The following EYS variants were observed in gnomAD, a reference collection of about 807,000 sequenced individuals.
EYS encodes the protein EGF-like photoreceptor maintenance factor, also known as protein eyes shut homolog.
A neutral mutation model predicts 282.1 loss-of-function variants in EYS; 250 were observed. That is an observed-to-expected ratio of 0.89 (90% CI 0.80 to 0.98). The LOEUF is 0.98. Ranked by LOEUF, EYS falls within the 50% of genes least tolerant of loss-of-function variation. The pLI is 0.00. For missense variants in EYS, 4,016 were observed against 3,709.0 expected (o/e 1.08, Z -2.15); for synonymous variants, 1,355 against 1,282.9 (o/e 1.06, Z -1.20).
intron 31 of EYS, among the ~76,000 whole-genome samples, chr6:64,130,248 C>T (rs1052239776): frequency 4.3e-4 from 65 of 152,224 alleles, no homozygotes; most frequent in African/African-American, 1.5e-3. Context: ...CAACAACGAT[C>T]GACTGGATTA....
intron 35 of EYS, among the ~76,000 whole-genome samples, chr6:63,942,094 A>G (rs1183372094): frequency 6.6e-6 from 1 of 152,210 alleles, no homozygotes; most frequent in African/African-American, 2.4e-5. Flanking sequence ...TTCAGCCTCT[A>G]GATCAGGGGG....
intron 22 of EYS, among the ~76,000 whole-genome samples, chr6:64,679,640 C>T (rs950994069): frequency 3.3e-5 from 5 of 152,166 alleles, no homozygotes; most frequent in African/African-American, 1.2e-4. Context: ...TAAGTCTCCA[C>T]ACCCAACTGC....
chr6:64,616,982 T>A (rs10498826), intron 24 of EYS, among the ~76,000 whole-genome samples: 16,329 of 152,074 alleles, frequency 0.11, 1,056 homozygotes, highest in East Asian at 0.16. Flanking sequence ...TCAGGCCAGT[T>A]CAAACTTGCT....
intron 12 of EYS, among the ~76,000 whole-genome samples, chr6:65,282,489 A>T (rs1300636058): frequency 6.6e-6 from 1 of 152,022 alleles, no homozygotes; most frequent in Non-Finnish European, 1.5e-5. Flanking sequence ...AAGTAAAACA[A>T]AAATAAGTTG....
intron 12 of EYS, among the ~76,000 whole-genome samples, chr6:65,201,813 TTG>T (rs145110491): frequency 4.7e-5 from 7 of 150,528 alleles, no homozygotes; most frequent in East Asian, 1.9e-4. Flanking sequence ...AAAAATGATT[TTG>T]TGTGTGTGTG....
chr6:64,452,940 T>C (rs975440491), intron 26 of EYS, among the ~76,000 whole-genome samples: 3 of 152,176 alleles, frequency 2.0e-5, no homozygotes, highest in African/African-American at 7.2e-5. Flanking sequence ...ATTCAGGACA[T>C]AGGCATGGGC....
chr6:64,769,253 A>G (rs2149984667), intron 22 of EYS, among the ~76,000 whole-genome samples: 1 of 152,148 alleles, frequency 6.6e-6, no homozygotes, highest in Admixed American at 6.6e-5. Context: ...TTCTTATGTA[A>G]ATGAGTATTT....
At chr6:64,018,280 T>C (rs1184561982) in intron 33 of EYS, among the ~76,000 whole-genome samples, 1 of 152,228 alleles carries the variant, frequency 6.6e-6, no homozygotes, top group African/African-American at 2.4e-5. Context: ...GAAATAGTTG[T>C]GACCTAGATA....
At chr6:63,806,155 G>C (rs1190828228) in intron 37 of EYS, 35 bp downstream of exon 37, 4 of 1,508,230 alleles carry the variant, frequency 2.7e-6, no homozygotes, top group African/African-American at 1.4e-5. Context: ...TCTTAAAGGA[G>C]CGAGGCAAGT....
At chr6:64,019,209 T>TG (rs569253300) in intron 33 of EYS, among the ~76,000 whole-genome samples, 1,566 of 152,268 alleles carry the variant, frequency 0.01, 11 homozygotes, top group Non-Finnish European at 0.016. Context: ...TGCCCTCAGT[T>TG]GGCAGACGCT....
intron 19 of EYS, among the ~76,000 whole-genome samples, chr6:64,885,960 G>T (rs1767072059): frequency 6.6e-6 from 1 of 151,674 alleles, no homozygotes; most frequent in Non-Finnish European, 1.5e-5. Context: ...TATGATTTTA[G>T]TGCTGCACAA....
intron 11 of EYS, among the ~76,000 whole-genome samples, chr6:65,333,318 A>C (rs967642169): frequency 6.6e-6 from 1 of 151,680 alleles, no homozygotes; most frequent in Non-Finnish European, 1.5e-5. Flanking sequence ...TGTATTATTT[A>C]ACTTCCATGT....
chr6:64,407,377 C>T (rs1364176602), intron 28 of EYS, among the ~76,000 whole-genome samples: 1 of 148,476 alleles, frequency 6.7e-6, no homozygotes, highest in Non-Finnish European at 1.5e-5. Flanking sequence ...CAACAAAGCA[C>T]CATGGCACAT....
At chr6:64,130,619 A>G (rs1773943310) in intron 31 of EYS, among the ~76,000 whole-genome samples, 1 of 149,780 alleles carries the variant, frequency 6.7e-6, no homozygotes, top group Non-Finnish European at 1.5e-5. Context: ...TAAAACTTAA[A>G]GTATAATTAA....
chr6:64,443,837 T>C (rs1426786933), intron 26 of EYS, among the ~76,000 whole-genome samples: 1 of 152,164 alleles, frequency 6.6e-6, no homozygotes, highest in African/African-American at 2.4e-5. Context: ...ATAAAACTCT[T>C]TCTTTTGTAA....
At chr6:64,669,570 T>A (rs143190664) in intron 22 of EYS, among the ~76,000 whole-genome samples, 1 of 152,342 alleles carries the variant, frequency 6.6e-6, no homozygotes, top group Non-Finnish European at 1.5e-5. Context: ...GTAATGTTCC[T>A]TAAGACACAA....
intron 31 of EYS, among the ~76,000 whole-genome samples, chr6:64,147,886 CT>C: frequency 6.6e-6 from 1 of 152,272 alleles, no homozygotes; most frequent in African/African-American, 2.4e-5. Flanking sequence ...CCACGGTGGA[CT>C]TTGCATGTAT....
intron 35 of EYS, among the ~76,000 whole-genome samples, chr6:63,931,898 T>C (rs978163391): frequency 1.3e-5 from 2 of 152,220 alleles, no homozygotes; most frequent in Non-Finnish European, 2.9e-5. Flanking sequence ...TAATTTTGTA[T>C]TGTTACCCAG....
chr6:63,733,452 C>G (rs1242599157), intron 41 of EYS, among the ~76,000 whole-genome samples: 1 of 151,932 alleles, frequency 6.6e-6, no homozygotes, highest in African/African-American at 2.4e-5. Context: ...CCTACCCCCT[C>G]TAGTAGACCC....
Sources: allele counts gnomAD v4.1 joint callset (sites outside exome capture counted in the v4.1 genomes callset), GRCh38; gene constraint gnomAD v4.1.1; transcripts MANE v1.5; gene names NCBI Gene and HGNC (gene_info 2026-07-23, HGNC 2026-07-21).